Variants in GINS1 observed in about 807,000 individuals in gnomAD.
GINS1 encodes GINS complex subunit 1, also known as DNA replication complex GINS protein PSF1.
A neutral mutation model predicts 34.9 loss-of-function variants in GINS1; 26 were observed. That is an observed-to-expected ratio of 0.74 (90% CI 0.55 to 1.03). GINS1 has a LOEUF of 1.03. Ranked by LOEUF, GINS1 falls within the 50% of genes least tolerant of loss-of-function variation. The pLI is 0.00. For synonymous variants in GINS1, 97 were observed against 84.4 expected, an observed-to-expected ratio of 1.15 and a Z score of -0.82; for missense variants, 235 against 237.9, an observed-to-expected ratio of 0.99 and a Z score of 0.08.
rs1331158812 is a variant in GINS1 at position 25,413,843 on chromosome 20, C to T, written c.129C>T (p.Asn43=). The T allele has an allele frequency of 3.9e-6, 6 of 1,541,804 alleles. No homozygotes were observed. In the South Asian group the frequency reaches 6.7e-5, roughly 17 times the overall value. The change falls in exon 2 of 7, where the codon AAC becomes AAT. Residue 43 remains asparagine (N), a synonymous_variant. Transcript: ENST00000262460. The part of the protein sequence containing the change: ...LEEMKALYEQ[N]QSDVNEAKSG... ...AGATGAAAGCTTTGTATGAACAAAA[C>T]CAGTCTGATGTGTAAGTTTCATAAG...
rs1274058372 is a variant in GINS1 at position 25,418,135 on chromosome 20, C to G, written c.270C>G (p.Leu90=). 2 of 1,604,662 alleles carry G rather than the reference C, an allele frequency of 1.2e-6. No homozygotes were observed. The highest frequency in any genetic ancestry group is 1.7e-6 in the Non-Finnish European group (2 of 1,171,208). The change falls in exon 4 of 7, where the codon CTC becomes CTG. Residue 90 remains leucine, a synonymous_variant. Transcript: ENST00000262460. The stretch of plus-strand genomic sequence containing the variant: ...ACCGCTTGCTTCGGATCAGAGCACT[C>G]AGATGGGAATATGGTAGCGTCTTGC... ...LYDRLLRIRA[L]RWEYGSVLPN... is the part of the protein sequence containing the mutation.
At chr20:25,410,157 T>C (rs1197633733) in intron 1 of GINS1, among the ~76,000 whole-genome samples, 1 of 151,920 alleles carries the variant, frequency 6.6e-6, no homozygotes, top group Non-Finnish European at 1.5e-5. Flanking sequence ...CTGGCTAACA[T>C]GGTGAAACCC....
intron 4 of GINS1, among the ~76,000 whole-genome samples, chr20:25,423,452 C>CTTTTTTTTTTTTTTTTTTTTT: frequency 3.3e-5 from 1 of 29,990 alleles, no homozygotes. Context: ...TTTTTCTTTT[C>CTTTTTTTTTTTTTTTTTTTTT]TTTTTTTTTT....
At chr20:25,419,705 C>T in intron 4 of GINS1, 2 of 415,508 alleles carry the variant, frequency 4.8e-6, no homozygotes, top group Non-Finnish European at 4.2e-6. Context: ...CTCTGTTGCC[C>T]AGGCTGGAGT....
intron 1 of GINS1, among the ~76,000 whole-genome samples, chr20:25,413,048 A>G (rs2146188694): frequency 6.7e-6 from 1 of 150,340 alleles, no homozygotes; most frequent in Admixed American, 6.6e-5. Flanking sequence ...GTATGTTGTC[A>G]GTAGTTCATT....
intron 4 of GINS1, among the ~76,000 whole-genome samples, chr20:25,418,791 G>T (rs1184427569): frequency 6.6e-6 from 1 of 152,200 alleles, no homozygotes; most frequent in African/African-American, 2.4e-5. Context: ...GTTTATTGGG[G>T]CTTCATTACA....
chr20:25,419,730 T>C, intron 4 of GINS1: 1 of 296,300 alleles, frequency 3.4e-6, no homozygotes, highest in South Asian at 2.9e-5. Flanking sequence ...TGGTGCATTC[T>C]CTGCTCACTG....
intron 4 of GINS1, 66 bp from the exon 5 acceptor site, chr20:25,425,145 T>C (rs1400136394): frequency 4.2e-5 from 31 of 741,256 alleles, no homozygotes; most frequent in Non-Finnish European, 3.2e-5. Flanking sequence ...TGTTTTCGAA[T>C]GGATGATATT....
chr20:25,439,499 A>T (rs1412016619), intron 5 of GINS1, among the ~76,000 whole-genome samples: 1 of 152,056 alleles, frequency 6.6e-6, no homozygotes, highest in African/African-American at 2.4e-5. Flanking sequence ...TACTCACCCA[A>T]TTTTTTCAAC....
At position 25,445,330 on chromosome 20, in the gene GINS1, C is replaced by T. The variant is rs574275457; in HGVS notation, c.523-593C>T. Among the ~76,000 whole-genome samples the T allele has an allele frequency of 5.9e-5, 9 of 151,300 alleles. No individual in the cohort carries two copies. In the South Asian group the frequency reaches 1.0e-3, roughly 18 times the overall value. ...CTGTGTAGCTGGGATTACAGGCATG[C>T]GCCACCACGCCTGGCTAATTTTTTT... On this transcript the variant is annotated intron_variant, in intron 6 of 6. Transcript: ENST00000262460.
chr20:25,420,381 C>T (rs775590684), intron 4 of GINS1, among the ~76,000 whole-genome samples: 11 of 152,008 alleles, frequency 7.2e-5, no homozygotes, highest in Non-Finnish European at 1.3e-4. Flanking sequence ...ATCTGCCCAC[C>T]TCAGCCTCCC....
At chr20:25,423,313 C>G (rs2090368144) in intron 4 of GINS1, among the ~76,000 whole-genome samples, 1 of 151,314 alleles carries the variant, frequency 6.6e-6, no homozygotes, top group African/African-American at 2.4e-5. Flanking sequence ...GGGGTTTCAC[C>G]ATGTTCACCA....
rs183238337 is a variant in GINS1 at position 25,443,895 on chromosome 20, C to T, written c.523-2028C>T. On this transcript the variant is annotated intron_variant, in intron 6 of 6. Transcript: ENST00000262460. ...CACAGTTGATGGTTGGTATTAGGGG[C>T]TTCTAATGTTCAACCACATCCAAAC... Among the ~76,000 whole-genome samples the T allele has an allele frequency of 2.0e-4, 30 of 152,118 alleles. No individual in the cohort carries two copies. The East Asian group carries it at 4.8e-3, about 24-fold the overall frequency.
At chr20:25,419,610 T>A in intron 4 of GINS1, 1 of 818,934 alleles carries the variant, frequency 1.2e-6, no homozygotes, top group Non-Finnish European at 1.6e-6. Flanking sequence ...AACATTATGT[T>A]TCTCTAACGA....
At chr20:25,443,980 T>TTATCTATCTA (rs2090496976) in intron 6 of GINS1, among the ~76,000 whole-genome samples, 1 of 142,802 alleles carries the variant, frequency 7.0e-6, no homozygotes, top group Non-Finnish European at 1.5e-5. Flanking sequence ...TAGGAAACAT[T>TTATCTATCTA]TATCTATCTA....
At chr20:25,413,296 G>A (rs903600627) in intron 1 of GINS1, among the ~76,000 whole-genome samples, 1 of 151,988 alleles carries the variant, frequency 6.6e-6, no homozygotes, top group Non-Finnish European at 1.5e-5. Context: ...TGATCCACCC[G>A]CCTCAGCCTT....
chr20:25,435,952 A>G (rs2090452981), intron 5 of GINS1, among the ~76,000 whole-genome samples: 1 of 149,984 alleles, frequency 6.7e-6, no homozygotes, highest in Non-Finnish European at 1.5e-5. Flanking sequence ...AGCTGGGATT[A>G]CAGGCACCTG....
chr20:25,443,767 C>T (rs1377964413), intron 6 of GINS1, among the ~76,000 whole-genome samples: 1 of 151,982 alleles, frequency 6.6e-6, no homozygotes, highest in African/African-American at 2.4e-5. Context: ...CAGGTGTGAG[C>T]CACCGCACCT....
chr20:25,444,085 C>T (rs1039762532), intron 6 of GINS1, among the ~76,000 whole-genome samples: 13 of 151,790 alleles, frequency 8.6e-5, no homozygotes, highest in African/African-American at 2.7e-4. Context: ...GATCTTGGCT[C>T]ACTGCAACCT....
Sources: gnomAD v4.1 joint callset for allele counts (sites outside exome capture counted in the v4.1 genomes callset) on GRCh38, gnomAD v4.1.1 for gene constraint, MANE v1.5 for transcripts, NCBI Gene and HGNC (gene_info 2026-07-23, HGNC 2026-07-21) for gene names.